The following CD226 variants were observed in gnomAD, a reference collection of about 807,000 sequenced individuals.
The protein encoded by CD226 is CD226 antigen.
In CD226, 24 loss-of-function variants were observed where a neutral mutation model predicts 34.9. That is an observed-to-expected ratio of 0.69 (90% CI 0.50 to 0.97). CD226 has a LOEUF of 0.97. Among genes scored for constraint, CD226 ranks in the 50% least tolerant of loss-of-function variants. The probability of loss-of-function intolerance (pLI) is 0.00; values close to 1 mark genes in which losing one functional copy is unlikely to be tolerated. For synonymous variants in CD226, 148 were observed against 147.4 expected (o/e 1.00, Z -0.03); for missense variants, 397 against 412.7 (o/e 0.96, Z 0.33).
chr18:69,890,053 T>C (rs1568171890), intron 3 of CD226, among the ~76,000 whole-genome samples: 1 of 152,218 alleles, frequency 6.6e-6, no homozygotes, highest in African/African-American at 2.4e-5. Context: ...CTTTTGAAAG[T>C]TCAGTTTCTT....
chr18:69,892,241 GC>G (rs1984947774), intron 3 of CD226, among the ~76,000 whole-genome samples: 1 of 152,056 alleles, frequency 6.6e-6, no homozygotes, highest in South Asian at 2.1e-4. Flanking sequence ...TATTTCTTTT[GC>G]CTTCATTCTT....
At position 69,924,692 on chromosome 18, in the gene CD226, C is replaced by CAAAAAAAAAAAAAAAAAAAAAAAAA. The variant is rs56118102; in HGVS notation, c.382+22041_382+22042insTTTTTTTTTTTTTTTTTTTTTTTTT. On this transcript the variant is annotated intron_variant, in intron 2 of 5. Coordinates refer to ENST00000582621, the MANE Select transcript of CD226 (RefSeq NM_001303618.2). ...GGCAACAGTAGGATGAAGGTATTGC[C>CAAAAAAAAAAAAAAAAAAAAAAAAA]AAAAAAAAAAAAAAAAAAAAGAATC... 3.5e-5 allele frequency among the ~76,000 whole-genome samples: 2 copies of CAAAAAAAAAAAAAAAAAAAAAAAAA among 57,110 alleles called. 1 individual carries two copies. The highest frequency in any genetic ancestry group is 6.3e-5 in the Non-Finnish European group (2 of 31,852). 37.5% of individuals were successfully genotyped at this position (57,110 alleles called of 152,430 possible). A position where few individuals can be genotyped will look rare whatever the true frequency, so the allele number is the denominator to read the frequency against.
chr18:69,922,244 G>C (rs915918619), intron 2 of CD226, among the ~76,000 whole-genome samples: 1 of 152,142 alleles, frequency 6.6e-6, no homozygotes, highest in Admixed American at 6.5e-5. Flanking sequence ...TCATTGTCAA[G>C]AAGTAAGGCC....
intron 2 of CD226, among the ~76,000 whole-genome samples, chr18:69,912,345 G>T (rs1424416082): frequency 6.6e-6 from 1 of 152,206 alleles, no homozygotes; most frequent in Non-Finnish European, 1.5e-5. Flanking sequence ...CTTACAGGAA[G>T]AAATTAGTGA....
chr18:69,859,908 A>G lies in CD226; in HGVS notation c.*4406T>C, dbSNP rs1278255971. 6.6e-6 allele frequency: 1 copy of G among 152,166 alleles called. No individual in the cohort carries two copies. Among genetic ancestry groups the G allele is most frequent in the African/African-American group, 2.4e-5 (1 of 41,414 alleles). 9.4% of individuals were successfully genotyped at this position (152,166 alleles called of 1,614,324 possible). On this transcript the variant is annotated 3_prime_UTR_variant, in exon 6 of 6. Coordinates refer to ENST00000582621, the MANE Select transcript of CD226 (RefSeq NM_001303618.2). ...ACCAACGTGGAGAAACCCCGTCTCCACTAAAAATACAAAATTAGCCAGGCA... is the reference window on the plus strand; with the variant it reads ...ACCAACGTGGAGAAACCCCGTCTCCGCTAAAAATACAAAATTAGCCAGGCA...
chr18:69,881,308 C>G (rs1053112865), intron 3 of CD226, among the ~76,000 whole-genome samples: 3 of 152,180 alleles, frequency 2.0e-5, no homozygotes, highest in Non-Finnish European at 1.5e-5. Context: ...TCAGGTCATA[C>G]AAAGTTTTGA....
At chr18:69,876,466 T>C (rs1288826317) in intron 3 of CD226, among the ~76,000 whole-genome samples, 1 of 152,204 alleles carries the variant, frequency 6.6e-6, no homozygotes, top group Non-Finnish European at 1.5e-5. Context: ...TTTAGTAATG[T>C]TTGGCCTCTT....
chr18:69,900,568 T>C (rs1452075293), intron 2 of CD226, among the ~76,000 whole-genome samples: 4 of 151,358 alleles, frequency 2.6e-5, no homozygotes, highest in Non-Finnish European at 5.9e-5. Flanking sequence ...CCGTCTCTAC[T>C]AAAAATACAA....
chr18:69,917,071 CCT>C (rs2055395093), intron 2 of CD226, among the ~76,000 whole-genome samples: 1 of 152,132 alleles, frequency 6.6e-6, no homozygotes, highest in South Asian at 2.1e-4. Flanking sequence ...CTTATCATCA[CCT>C]CTCCCCAGGT....
At chr18:69,910,085 A>G (rs527524792) in intron 2 of CD226, among the ~76,000 whole-genome samples, 8 of 152,362 alleles carry the variant, frequency 5.3e-5, no homozygotes, top group African/African-American at 1.9e-4. Flanking sequence ...CAAGAACGGC[A>G]GCCTGAACTT....
chr18:69,938,318 T>C (rs887511516), intron 2 of CD226, among the ~76,000 whole-genome samples: 11 of 152,216 alleles, frequency 7.2e-5, no homozygotes, highest in Admixed American at 2.0e-4. Flanking sequence ...CTCTTTTCTC[T>C]ATGCCCTCTA....
At chr18:69,913,392 GCTT>G (rs1568189313) in intron 2 of CD226, among the ~76,000 whole-genome samples, 1 of 152,296 alleles carries the variant, frequency 6.6e-6, no homozygotes, top group East Asian at 1.9e-4. Flanking sequence ...GATTATTTAA[GCTT>G]TTTATTTCTC....
At position 69,854,021 on chromosome 18, in the gene CD226, A is replaced by C. The variant is rs1385037420; in HGVS notation, c.*10293T>G. The C allele has an allele frequency of 6.6e-6, 1 of 152,226 alleles. No homozygotes were observed. The highest frequency in any genetic ancestry group is 1.9e-4 in the East Asian group (1 of 5,196). 9.4% of individuals were successfully genotyped at this position (152,226 alleles called of 1,614,324 possible). On this transcript the variant is annotated 3_prime_UTR_variant, in exon 6 of 6. Transcript: ENST00000582621. The stretch of plus-strand genomic sequence containing the variant: ...GCAGTATCAGAAAGTCAGGGCAAAG[A>C]GACAGGTCAGAAACCACGATAACAA...
rs557542886 is a variant in CD226, at chr18:69,859,351, A to G, written c.*4963T>C. The G allele has an allele frequency of 6.6e-6, 1 of 152,312 alleles. No individual in the cohort carries two copies. The highest frequency in any genetic ancestry group is 1.9e-4 in the East Asian group (1 of 5,178). 9.4% of individuals were successfully genotyped at this position (152,312 alleles called of 1,614,324 possible). Reference sequence around the variant, plus strand: ...AAAGTCAGTCCCCAGAATGACAATTATTAGCTCTAGGTGGAAAAAAAGTTA... The same window carrying G: ...AAAGTCAGTCCCCAGAATGACAATTGTTAGCTCTAGGTGGAAAAAAAGTTA... On this transcript the variant is annotated 3_prime_UTR_variant, in exon 6 of 6. Transcript: ENST00000582621.
In CD226 at chr18:69,896,056, G is replaced by A. The variant is rs1985271717; in HGVS notation, c.383-11C>T. 1.3e-6 allele frequency: 2 copies of A among 1,598,804 alleles called. No individual in the cohort carries two copies. The highest frequency in any genetic ancestry group is 1.7e-5 in the Admixed American group (1 of 59,792). ...CTGCCTCAAAACTATCTGAAAAGAAGAAGCAAATGATTAGATACAGGTTGT... is the reference window on the plus strand; with the variant it reads ...CTGCCTCAAAACTATCTGAAAAGAAAAAGCAAATGATTAGATACAGGTTGT... On this transcript the variant is annotated splice_polypyrimidine_tract_variant and intron_variant, in intron 2 of 5. Transcript: ENST00000582621.
intron 3 of CD226, among the ~76,000 whole-genome samples, chr18:69,893,844 T>C (rs1790945): frequency 0.67 from 102,458 of 152,130 alleles, 34,765 homozygotes; most frequent in East Asian, 0.87. Context: ...TGAAAAGATG[T>C]TATTCCCTGA....
At chr18:69,944,247 AAG>A (rs1568206872) in intron 2 of CD226, among the ~76,000 whole-genome samples, 1 of 152,204 alleles carries the variant, frequency 6.6e-6, no homozygotes, top group African/African-American at 2.4e-5. Context: ...TAATCAAAAC[AAG>A]AGCAATGGAT....
At chr18:69,914,298 T>C (rs532720063) in intron 2 of CD226, among the ~76,000 whole-genome samples, 12 of 152,182 alleles carry the variant, frequency 7.9e-5, no homozygotes, top group South Asian at 2.1e-4. Context: ...ATCAGTGCCA[T>C]TGGCAATTTG....
intron 3 of CD226, 80 bp downstream of exon 3, chr18:69,895,621 C>T (rs1054138839): frequency 2.9e-5 from 29 of 999,598 alleles, no homozygotes; most frequent in Non-Finnish European, 4.4e-5. Context: ...AACATGTTTA[C>T]CATAAATAAA....
Sources: gnomAD v4.1 joint callset for allele counts (sites outside exome capture counted in the v4.1 genomes callset) on GRCh38, gnomAD v4.1.1 for gene constraint, MANE v1.5 for transcripts, NCBI Gene and HGNC (gene_info 2026-07-23, HGNC 2026-07-21) for gene names.